LRRC7: variants seen among roughly 807,000 people sequenced by gnomAD.
The protein encoded by LRRC7 is leucine-rich repeat-containing protein 7.
LRRC7 carries 23 observed loss-of-function variants against 175.7 expected under a neutral mutation model. That is an observed-to-expected ratio of 0.13 (90% CI 0.09 to 0.19). LRRC7 has a LOEUF of 0.19. Ranked by LOEUF, LRRC7 falls within the 10% of genes least tolerant of loss-of-function variation. The pLI, the probability that LRRC7 is intolerant of heterozygous loss-of-function variation, is 1.00. For synonymous variants in LRRC7, 685 were observed against 680.9 expected (o/e 1.01, Z -0.09); for missense variants, 1,354 against 1,904.7 (o/e 0.71, Z 5.38).
intron 2 of LRRC7, among the ~76,000 whole-genome samples, chr1:69,683,589 T>C (rs943843418): frequency 6.6e-6 from 1 of 152,068 alleles, no homozygotes; most frequent in African/African-American, 2.4e-5. Context: ...TGAAATAATA[T>C]AGAACTAGAG....
intron 2 of LRRC7, among the ~76,000 whole-genome samples, chr1:69,710,698 C>T (rs1037916756): frequency 6.6e-6 from 1 of 152,006 alleles, no homozygotes; most frequent in African/African-American, 2.4e-5. Flanking sequence ...CTTTATGAAC[C>T]CCTAGATTGT....
chr1:69,800,936 A>G (rs1195954441), intron 4 of LRRC7, among the ~76,000 whole-genome samples: 2 of 151,762 alleles, frequency 1.3e-5, no homozygotes, highest in Non-Finnish European at 1.5e-5. Context: ...GAGGGTTTCT[A>G]TCATGAAGGG....
intron 2 of LRRC7, among the ~76,000 whole-genome samples, chr1:69,715,867 A>G (rs1665287026): frequency 6.6e-6 from 1 of 152,040 alleles, no homozygotes; most frequent in Non-Finnish European, 1.5e-5. Context: ...TGTACAAAGC[A>G]TTTTTGCTTA....
At chr1:69,657,877 T>C (rs927530707) in intron 1 of LRRC7, among the ~76,000 whole-genome samples, 14 of 152,006 alleles carry the variant, frequency 9.2e-5, no homozygotes, top group Admixed American at 2.0e-4. Context: ...TCATAGAACA[T>C]TTACCAGTGA....
In LRRC7 at chr1:69,813,356, T is replaced by C. The variant is rs185048612; in HGVS notation, c.422-12392T>C. Among the ~76,000 whole-genome samples, 47 of 152,228 alleles carry C rather than the reference T, an allele frequency of 3.1e-4. No homozygotes were observed. The East Asian group carries it at 5.4e-3, about 18-fold the overall frequency. On this transcript the variant is annotated intron_variant, in intron 4 of 26. Coordinates refer to ENST00000651989, the MANE Select transcript of LRRC7 (RefSeq NM_001370785.2). ...GACTCAACCATACCAACTGATTGAA[T>C]TCATGGTTGCAAATCTGAAGTGCAG...
intron 7 of LRRC7, among the ~76,000 whole-genome samples, chr1:69,845,052 C>A (rs1682188602): frequency 6.6e-6 from 1 of 151,978 alleles, no homozygotes; most frequent in Non-Finnish European, 1.5e-5. Context: ...GAGTTTGAGA[C>A]CAGCCCAGGC....
At chr1:69,977,894 C>A (rs1346428402) in intron 8 of LRRC7, among the ~76,000 whole-genome samples, 2 of 152,180 alleles carry the variant, frequency 1.3e-5, no homozygotes, top group African/African-American at 4.8e-5. Flanking sequence ...ATCTAATCCA[C>A]CCTGAATAAT....
intron 7 of LRRC7, among the ~76,000 whole-genome samples, chr1:69,910,780 T>A (rs1272772662): frequency 6.6e-6 from 1 of 152,228 alleles, no homozygotes; most frequent in Non-Finnish European, 1.5e-5. Context: ...TTTTTGTTTG[T>A]CTGTGCCCTG....
chr1:69,897,492 A>G (rs1419396020), intron 7 of LRRC7, among the ~76,000 whole-genome samples: 2 of 152,074 alleles, frequency 1.3e-5, no homozygotes, highest in Non-Finnish European at 2.9e-5. Context: ...TCCCCACAAT[A>G]ATGGTATTTC....
chr1:69,718,142 G>GAGAGAGAGAAAGAAAGAAAGAAAGAA (rs397763816), intron 2 of LRRC7, among the ~76,000 whole-genome samples: 2 of 73,760 alleles, frequency 2.7e-5, no homozygotes, highest in East Asian at 4.1e-4. Context: ...AAGAAAGAGA[G>GAGAGAGAGAAAGAAAGAAAGAAAGAA]AGAAAGAAAG....
At chr1:69,672,345 T>C (rs1310212675) in intron 1 of LRRC7, among the ~76,000 whole-genome samples, 1 of 152,218 alleles carries the variant, frequency 6.6e-6, no homozygotes, top group East Asian at 1.9e-4. Flanking sequence ...GCAGCCACTT[T>C]ATTGGACAGC....
chr1:69,703,519 TTATAC>T, intron 2 of LRRC7, among the ~76,000 whole-genome samples: 1 of 152,138 alleles, frequency 6.6e-6, no homozygotes, highest in African/African-American at 2.4e-5. Context: ...TGTATTACAC[TTATAC>T]TGTACTAGCT....
In LRRC7 at chr1:69,838,562, A is replaced by G. The variant is rs1211682925; in HGVS notation, c.647+279A>G. Among the ~76,000 whole-genome samples, 3 of 151,920 alleles carry G rather than the reference A, an allele frequency of 2.0e-5. No homozygotes were observed. In the East Asian group the frequency reaches 5.8e-4, roughly 29 times the overall value. On this transcript the variant is annotated intron_variant, in intron 7 of 26. Transcript: ENST00000651989. ...CCAGAAAAGTATTGCACTAAAACAT[A>G]TGAAATTGTCCTTCTTATAGCTAAA...
intron 1 of LRRC7, among the ~76,000 whole-genome samples, chr1:69,570,334 TAAA>T (rs1645689381): frequency 6.6e-6 from 1 of 151,840 alleles, no homozygotes; most frequent in African/African-American, 2.4e-5. Flanking sequence ...ATAATAATAA[TAAA>T]GTTGATCGGA....
At chr1:69,678,865 A>G (rs1003136253) in intron 2 of LRRC7, among the ~76,000 whole-genome samples, 1 of 152,164 alleles carries the variant, frequency 6.6e-6, no homozygotes, top group Non-Finnish European at 1.5e-5. Context: ...ATTTAGCCAC[A>G]GGGCTCTTTT....
intron 23 of LRRC7, among the ~76,000 whole-genome samples, chr1:70,067,215 A>G (rs1018234270): frequency 2.6e-5 from 4 of 151,776 alleles, no homozygotes; most frequent in African/African-American, 9.7e-5. Flanking sequence ...ATTTACAAAC[A>G]TTTTCTCCAA....
In LRRC7 at chr1:70,098,950, G is replaced by A. The variant is rs368904712; in HGVS notation, c.4546-8802G>A. 8.2e-3 allele frequency among the ~76,000 whole-genome samples: 1,252 copies of A among 151,874 alleles called. 13 individuals carry two copies. Among genetic ancestry groups the A allele is most frequent in the African/African-American group, 0.028 (1,155 of 41,228 alleles). On this transcript the variant is annotated intron_variant, in intron 25 of 26. Transcript: ENST00000651989. Reference sequence around the variant, plus strand: ...TATTCCAATCAATAGAAAAAGAGGGGATCCTCCCTAACTCATTTTATGAGG... The same window carrying A: ...TATTCCAATCAATAGAAAAAGAGGGAATCCTCCCTAACTCATTTTATGAGG...
intron 7 of LRRC7, among the ~76,000 whole-genome samples, chr1:69,881,358 C>G (rs937875717): frequency 1.3e-5 from 2 of 152,242 alleles, no homozygotes; most frequent in African/African-American, 4.8e-5. Context: ...CAATATTATT[C>G]CTATCAAAAT....
At chr1:70,093,739 T>C (rs191126739) in intron 25 of LRRC7, among the ~76,000 whole-genome samples, 2 of 152,308 alleles carry the variant, frequency 1.3e-5, no homozygotes, top group African/African-American at 2.4e-5. Flanking sequence ...ATTATATAAC[T>C]TGTGGACTAA....
Sources: allele counts gnomAD v4.1 joint callset (sites outside exome capture counted in the v4.1 genomes callset), GRCh38; gene constraint gnomAD v4.1.1; transcripts MANE v1.5; gene names NCBI Gene and HGNC (gene_info 2026-07-23, HGNC 2026-07-21).